NUMB: variants seen among roughly 807,000 people sequenced by gnomAD.
The protein encoded by NUMB is NUMB endocytic adaptor protein.
In NUMB, 29 loss-of-function variants were observed where a neutral mutation model predicts 59.7. The observed-to-expected ratio is 0.49, with a 90% CI of 0.36 to 0.66. The LOEUF (loss-of-function observed/expected upper bound fraction) is 0.66, where lower values mean the gene tolerates loss of function less well. Among genes scored for constraint, NUMB ranks in the 30% least tolerant of loss-of-function variants. The pLI is 0.00. For missense variants in NUMB, 723 were observed against 822.0 expected (o/e 0.88, Z 1.47); for synonymous variants, 288 against 288.2 (o/e 1.00, Z 0.01).
chr14:73,412,957 C>T (rs1396219005), intron 1 of NUMB, among the ~76,000 whole-genome samples: 1 of 151,984 alleles, frequency 6.6e-6, no homozygotes, highest in East Asian at 1.9e-4. Context: ...AACTGAGGCA[C>T]AAATAACTTC....
chr14:73,415,935 A>G (rs1897110476), intron 1 of NUMB, among the ~76,000 whole-genome samples: 1 of 151,526 alleles, frequency 6.6e-6, no homozygotes. Context: ...ACTACAAAAG[A>G]AAGAAAAAAA....
intron 3 of NUMB, among the ~76,000 whole-genome samples, chr14:73,361,934 T>C (rs1338379602): frequency 3.9e-5 from 6 of 152,092 alleles, no homozygotes; most frequent in Admixed American, 3.9e-4. Context: ...GATGATAAGA[T>C]GTACCACTAT....
At chr14:73,455,825 A>C (rs1189433540) in intron 1 of NUMB, among the ~76,000 whole-genome samples, 1 of 152,178 alleles carries the variant, frequency 6.6e-6, no homozygotes, top group Non-Finnish European at 1.5e-5. Context: ...GTTTACTGTC[A>C]ATATGTCTGT....
At position 73,276,394 on chromosome 14, in the gene NUMB, G is replaced by A. The variant is rs567649839; in HGVS notation, c.*184C>T. 5 of 558,128 alleles carry A rather than the reference G, an allele frequency of 9.0e-6. No individual in the cohort carries two copies. The East Asian group carries it at 1.4e-4, about 16-fold the overall frequency. The allele number at this position is 558,128 out of a possible 1,614,324, so 34.6% of individuals were successfully genotyped here. ...TAATTGCAAGGCAGCTTTTCTCTAG[G>A]AATGCTTTTTCCCATGTCTTTCAAA... On this transcript the variant is annotated 3_prime_UTR_variant, in exon 13 of 13. Coordinates refer to ENST00000555238, the MANE Select transcript of NUMB (RefSeq NM_001005743.2).
chr14:73,393,802 A>G (rs377370209), intron 2 of NUMB, among the ~76,000 whole-genome samples: 1 of 152,222 alleles, frequency 6.6e-6, no homozygotes, highest in Non-Finnish European at 1.5e-5. Context: ...AAGAAGAGTC[A>G]CAAGTTTTTG....
intron 1 of NUMB, among the ~76,000 whole-genome samples, chr14:73,456,568 C>T (rs1191552011): frequency 6.6e-6 from 1 of 152,166 alleles, no homozygotes; most frequent in Non-Finnish European, 1.5e-5. Flanking sequence ...TTATTCTGTT[C>T]TACATTTTAT....
intron 8 of NUMB, among the ~76,000 whole-genome samples, chr14:73,288,420 G>A (rs1425822342): frequency 4.6e-5 from 7 of 152,030 alleles, no homozygotes; most frequent in African/African-American, 9.6e-5. Context: ...ATGTGGTGGC[G>A]GGTGCCTGTA....
intron 6 of NUMB, among the ~76,000 whole-genome samples, chr14:73,310,545 A>G (rs144998831): frequency 1.1e-4 from 17 of 152,346 alleles, no homozygotes; most frequent in African/African-American, 4.1e-4. Context: ...CAGAACATCA[A>G]CATGGGGTAG....
chr14:73,364,373 G>A (rs987351172), intron 3 of NUMB, among the ~76,000 whole-genome samples: 6 of 151,984 alleles, frequency 3.9e-5, no homozygotes, highest in Non-Finnish European at 5.9e-5. Flanking sequence ...GCATGGTGAT[G>A]CCCGCTTATA....
At chr14:73,414,877 G>A (rs1224169591) in intron 1 of NUMB, among the ~76,000 whole-genome samples, 2 of 151,970 alleles carry the variant, frequency 1.3e-5, no homozygotes, top group Non-Finnish European at 2.9e-5. Flanking sequence ...CCACCACCAC[G>A]CCCAGCTAAT....
In NUMB at chr14:73,275,652, A is replaced by G. The variant is rs961983688; in HGVS notation, c.*926T>C. 3 of 152,212 alleles carry G rather than the reference A, an allele frequency of 2.0e-5. No individual in the cohort carries two copies. Among genetic ancestry groups the G allele is most frequent in the African/African-American group, 7.2e-5 (3 of 41,448 alleles). 9.4% of individuals were successfully genotyped at this position (152,212 alleles called of 1,614,324 possible). On this transcript the variant is annotated 3_prime_UTR_variant, in exon 13 of 13. Transcript: ENST00000555238. Reference sequence around the variant, plus strand: ...ATATTTCGATTGATTCCATTAAAATAATGACATTAGAATTCCATCATAGGT... The same window carrying G: ...ATATTTCGATTGATTCCATTAAAATGATGACATTAGAATTCCATCATAGGT...
intron 1 of NUMB, among the ~76,000 whole-genome samples, chr14:73,412,758 T>C (rs560235904): frequency 2.6e-5 from 4 of 152,142 alleles, no homozygotes; most frequent in East Asian, 3.9e-4. Flanking sequence ...GCCTTTCAAG[T>C]AGCTGGGACT....
At chr14:73,364,362 G>C (rs543890762) in intron 3 of NUMB, among the ~76,000 whole-genome samples, 88 of 152,056 alleles carry the variant, frequency 5.8e-4, no homozygotes, top group Non-Finnish European at 4.4e-5. Flanking sequence ...AAATTAGCCA[G>C]GCATGGTGAT....
chr14:73,367,348 T>TAGAG lies in NUMB; in HGVS notation c.-100-371_-100-368dup, dbSNP rs71112740. Among the ~76,000 whole-genome samples, 359 of 105,300 alleles carry TAGAG rather than the reference T, an allele frequency of 3.4e-3. 2 individuals carry two copies. Among genetic ancestry groups the TAGAG allele is most frequent in the East Asian group, 6.7e-3 (27 of 4,004 alleles). The allele number at this position is 105,300 out of a possible 152,430, so 69.1% of individuals were successfully genotyped here. A position where few individuals can be genotyped will look rare whatever the true frequency, so the allele number is the denominator to read the frequency against. ...ATATATACATATATATATATATATATAGAGAGAGAGAGAGAGAGAGAGAGA... is the reference window on the plus strand; with the variant it reads ...ATATATACATATATATATATATATATAGAGAGAGAGAGAGAGAGAGAGAGAGAGA... On this transcript the variant is annotated intron_variant, in intron 2 of 12. Transcript: ENST00000555238.
intron 5 of NUMB, among the ~76,000 whole-genome samples, chr14:73,322,029 G>A (rs547974473): frequency 2.6e-5 from 4 of 152,060 alleles, no homozygotes; most frequent in South Asian, 4.1e-4. Context: ...AGACTATGCC[G>A]AGAAGCACAA....
intron 2 of NUMB, among the ~76,000 whole-genome samples, chr14:73,406,097 T>TTA: frequency 9.4e-6 from 1 of 106,166 alleles, no homozygotes; most frequent in Non-Finnish European, 1.9e-5. Flanking sequence ...TTTTTGTTTT[T>TTA]TTTTTTTTTT....
At chr14:73,390,636 G>GTTTT (rs1895795045) in intron 2 of NUMB, among the ~76,000 whole-genome samples, 3 of 60,072 alleles carry the variant, frequency 5.0e-5, no homozygotes, top group African/African-American at 1.1e-4. Context: ...CAAAAACAAA[G>GTTTT]TCTTTTTTTT....
chr14:73,451,687 A>C (rs1220597455), intron 1 of NUMB, among the ~76,000 whole-genome samples: 2 of 152,220 alleles, frequency 1.3e-5, no homozygotes, highest in African/African-American at 4.8e-5. Flanking sequence ...TGCACAAGTG[A>C]CTAGACGAAA....
intron 3 of NUMB, among the ~76,000 whole-genome samples, chr14:73,362,324 T>G (rs1209914808): frequency 6.6e-6 from 1 of 152,024 alleles, no homozygotes; most frequent in Non-Finnish European, 1.5e-5. Flanking sequence ...AATAGTAAGA[T>G]GTATCCCAAT....
Sources: gnomAD v4.1 joint callset for allele counts (sites outside exome capture counted in the v4.1 genomes callset) on GRCh38, gnomAD v4.1.1 for gene constraint, MANE v1.5 for transcripts, NCBI Gene and HGNC (gene_info 2026-07-23, HGNC 2026-07-21) for gene names.